The following STPG4 variants were observed in gnomAD, a reference collection of about 807,000 sequenced individuals.
STPG4 encodes sperm-tail PG-rich repeat containing 4, also known as protein STPG4.
STPG4 carries 41 observed loss-of-function variants against 31.5 expected under a neutral mutation model. That is an observed-to-expected ratio of 1.30 (90% CI 1.01 to 1.69). The LOEUF (loss-of-function observed/expected upper bound fraction) is 1.69. Ranked by LOEUF, STPG4 falls within the 40% of genes most tolerant of loss-of-function variation. STPG4 has a pLI of 0.00. For missense variants in STPG4, 375 were observed against 293.4 expected, an observed-to-expected ratio of 1.28 and a Z score of -2.03; for synonymous variants, 141 against 103.0, an observed-to-expected ratio of 1.37 and a Z score of -2.24.
At chr2:47,107,619 TCCATGGCACCCAGTC>T (rs1685943510) in intron 5 of STPG4, among the ~76,000 whole-genome samples, 1 of 152,050 alleles carries the variant, frequency 6.6e-6, no homozygotes, top group Non-Finnish European at 1.5e-5. Flanking sequence ...CGCCCCCTGC[TCCATGGCACCCAGTC>T]CCATCGACAC....
chr2:47,114,776 TA>T (rs1686112211), intron 5 of STPG4, among the ~76,000 whole-genome samples: 1 of 149,698 alleles, frequency 6.7e-6, no homozygotes, highest in Admixed American at 6.7e-5. Flanking sequence ...TTTTTATTTT[TA>T]TTTTTTTTAA....
chr2:47,131,527 G>T (rs946516939), intron 3 of STPG4, among the ~76,000 whole-genome samples: 1 of 152,212 alleles, frequency 6.6e-6, no homozygotes, highest in Admixed American at 6.5e-5. Context: ...GAATACAGTG[G>T]TTAAGAGAGC....
At chr2:47,132,097 G>A (rs778225640) in intron 3 of STPG4, among the ~76,000 whole-genome samples, 3 of 151,880 alleles carry the variant, frequency 2.0e-5, no homozygotes, top group Non-Finnish European at 2.9e-5. Flanking sequence ...CCTGGGAGGC[G>A]GGGGTTGCAG....
chr2:47,151,607 T>C, intron 2 of STPG4, 92 bp from the exon 3 acceptor site: 1 of 1,018,322 alleles, frequency 9.8e-7, no homozygotes, highest in Non-Finnish European at 1.5e-6. Flanking sequence ...AAGTAACATC[T>C]CTCTTTGTTT....
chr2:47,151,877 A>C (rs1007611764), intron 2 of STPG4, among the ~76,000 whole-genome samples: 1 of 151,414 alleles, frequency 6.6e-6, no homozygotes, highest in African/African-American at 2.4e-5. Flanking sequence ...AGTAGCTGGG[A>C]CTACAGGCAT....
intron 4 of STPG4, 44 bp downstream of exon 4, chr2:47,130,152 G>C (rs1686447074): frequency 1.3e-6 from 2 of 1,547,652 alleles, no homozygotes; most frequent in East Asian, 2.2e-5. Flanking sequence ...TGGCGTGTAG[G>C]TATGTAAACA....
chr2:47,132,119 C>A (rs757281524), intron 3 of STPG4, among the ~76,000 whole-genome samples: 2 of 150,154 alleles, frequency 1.3e-5, no homozygotes, highest in African/African-American at 4.9e-5. Flanking sequence ...GAGCCAAGAT[C>A]GTGCCACTGG....
intron 4 of STPG4, 28 bp downstream of exon 4, chr2:47,130,168 G>C (rs371616248): frequency 2.1e-5 from 33 of 1,594,776 alleles, no homozygotes; most frequent in Non-Finnish European, 2.8e-5. Context: ...AAACAGAAAG[G>C]CAGCTTATTT....
At chr2:47,143,849 ATTTTCACCAT>A (rs1686765500) in intron 3 of STPG4, among the ~76,000 whole-genome samples, 1 of 152,132 alleles carries the variant, frequency 6.6e-6, no homozygotes, top group Non-Finnish European at 1.5e-5. Flanking sequence ...ACCATGACTC[ATTTTCACCAT>A]TTGATACAGG....
Position 47,151,498 on chromosome 2 carries a change from G to C in STPG4, c.159C>G (p.Gly53=), listed in dbSNP as rs775571522. Residue 53 remains glycine, a synonymous_variant, in exon 3 of 7, where the codon GGC becomes GGG. Transcript: ENST00000445927. The stretch of plus-strand genomic sequence containing the variant: ...CAATAAAAGTTTTCAAGTGGTAAGT[G>C]CCAGGTATAGGAGTATCCTGTGGAA... ...RIALTDTPIP[G]TYHLKTFIEE... is the part of the protein sequence containing the mutation. 1.5e-5 allele frequency: 24 copies of C among 1,613,702 alleles called. No individual in the cohort carries two copies. The highest frequency in any genetic ancestry group is 2.0e-5 in the Non-Finnish European group (24 of 1,179,742).
chr2:47,140,564 A>T (rs2103793961), intron 3 of STPG4, among the ~76,000 whole-genome samples: 1 of 152,254 alleles, frequency 6.6e-6, no homozygotes, highest in East Asian at 1.9e-4. Flanking sequence ...GTAAATTGTA[A>T]TTCTCTGTAT....
chr2:47,118,102 A>T (rs1433952640), intron 5 of STPG4, among the ~76,000 whole-genome samples: 1 of 152,018 alleles, frequency 6.6e-6, no homozygotes, highest in East Asian at 1.9e-4. Flanking sequence ...GTTTTAAGCG[A>T]GTTGCTTACG....
At chr2:47,135,672 C>A (rs986428886) in intron 3 of STPG4, among the ~76,000 whole-genome samples, 2 of 152,192 alleles carry the variant, frequency 1.3e-5, no homozygotes, top group East Asian at 1.9e-4. Flanking sequence ...CAGGCATGAA[C>A]CACCACGCCC....
intron 5 of STPG4, among the ~76,000 whole-genome samples, chr2:47,117,936 T>A (rs1282752389): frequency 2.7e-5 from 4 of 146,994 alleles, no homozygotes; most frequent in African/African-American, 8.2e-5. Context: ...ATATATTTTT[T>A]TTTTAATAGA....
chr2:47,114,023 G>C (rs192600734), intron 5 of STPG4, among the ~76,000 whole-genome samples: 14 of 146,054 alleles, frequency 9.6e-5, no homozygotes, highest in Admixed American at 2.8e-4. Context: ...AGTGAGACTT[G>C]TCTCAAAAAA....
chr2:47,112,478 G>C (rs892112165), intron 5 of STPG4, among the ~76,000 whole-genome samples: 1 of 152,080 alleles, frequency 6.6e-6, no homozygotes. Context: ...CCTAACCTTT[G>C]AGATTGTATG....
intron 3 of STPG4, among the ~76,000 whole-genome samples, chr2:47,148,678 C>T (rs946186439): frequency 3.3e-5 from 5 of 152,070 alleles, no homozygotes; most frequent in Admixed American, 3.3e-4. Context: ...TATCCCTCTC[C>T]ACTCCCCCAA....
chr2:47,087,429 C>A (rs1169389544), intron 6 of STPG4, among the ~76,000 whole-genome samples: 1 of 152,228 alleles, frequency 6.6e-6, no homozygotes, highest in African/African-American at 2.4e-5. Context: ...CATCTCAAGG[C>A]ACACCTTCTC....
chr2:47,130,804 C>T (rs561690824), intron 3 of STPG4, among the ~76,000 whole-genome samples: 3 of 150,838 alleles, frequency 2.0e-5, no homozygotes, highest in South Asian at 2.1e-4. Flanking sequence ...CATGAACTAC[C>T]GTGCCCAGCC....
Sources: allele counts gnomAD v4.1 joint callset (sites outside exome capture counted in the v4.1 genomes callset), GRCh38; gene constraint gnomAD v4.1.1; transcripts MANE v1.5; gene names NCBI Gene and HGNC (gene_info 2026-07-23, HGNC 2026-07-21).